Variants in NEK9 observed in about 807,000 individuals in gnomAD.
NEK9 encodes the protein NIMA related kinase 9.
A neutral mutation model predicts 123.4 loss-of-function variants in NEK9; 75 were observed. The observed-to-expected ratio is 0.61, with a 90% CI of 0.50 to 0.74. The LOEUF is 0.74. Among genes scored for constraint, NEK9 ranks in the 30% least tolerant of loss-of-function variants. The pLI is 0.00. For missense variants in NEK9, 952 were observed against 1,214.4 expected (o/e 0.78, Z 3.21); for synonymous variants, 438 against 458.7 (o/e 0.95, Z 0.58).
chr14:75,084,889 C>A, intron 21 of NEK9: 1 of 552,738 alleles, frequency 1.8e-6, no homozygotes, highest in Non-Finnish European at 3.1e-6. Flanking sequence ...GGGTGACCAA[C>A]TATCCAGGTT....
intron 13 of NEK9, 151 bp from the exon 14 acceptor site, chr14:75,104,148 G>A (rs1156295905): frequency 2.9e-6 from 2 of 697,496 alleles, no homozygotes; most frequent in African/African-American, 3.7e-5. Context: ...TTTGCCCAGT[G>A]TCTTAGAGAC....
chr14:75,117,394 CTTAA>C lies in NEK9; in HGVS notation c.631-72_631-69del, dbSNP rs1445375456. ...GGTAACTATGTTAACATTTCAACAG[CTTAA>C]TTAAATTTCCTAGGAACTAGTCATA... On this transcript the variant is annotated intron_variant, in intron 5 of 21. Transcript: ENST00000238616. The C allele has an allele frequency of 1.3e-5, 19 of 1,498,642 alleles. No homozygotes were observed. The African/African-American group carries it at 2.1e-4, about 17-fold the overall frequency. 92.8% of individuals were successfully genotyped at this position (1,498,642 alleles called of 1,614,324 possible).
intron 19 of NEK9, among the ~76,000 whole-genome samples, chr14:75,090,321 CATAA>C (rs1894174260): frequency 6.6e-6 from 1 of 150,598 alleles, no homozygotes; most frequent in South Asian, 2.1e-4. Context: ...TTTCACAAAC[CATAA>C]ATATTTACTG....
At position 75,126,998 on chromosome 14, in the gene NEK9, G is replaced by A. The variant is rs966808202; in HGVS notation, c.-77C>T. 4.0e-6 allele frequency: 5 copies of A among 1,236,046 alleles called. No homozygotes were observed. The highest frequency in any genetic ancestry group is 3.4e-5 in the South Asian group (2 of 58,802). The allele number at this position is 1,236,046 out of a possible 1,614,324, so 76.6% of individuals were successfully genotyped here. A position where few individuals can be genotyped will look rare whatever the true frequency, so the allele number is the denominator to read the frequency against. ...GCCGCGCTGCGTCCCGCTCGCTTCA[G>A]ATGCCGGCCCGCGGATCCGTCAGCC... On this transcript the variant is annotated 5_prime_UTR_variant, in exon 1 of 22. Coordinates refer to ENST00000238616, the MANE Select transcript of NEK9 (RefSeq NM_033116.6).
At chr14:75,120,993 G>A in intron 3 of NEK9, 126 bp downstream of exon 3, 2 of 793,530 alleles carry the variant, frequency 2.5e-6, no homozygotes, top group Non-Finnish European at 4.4e-6. Flanking sequence ...ATGAATATCA[G>A]AGCCTGGAAG....
At chr14:75,110,866 C>G (rs1894937800) in intron 8 of NEK9, among the ~76,000 whole-genome samples, 1 of 152,108 alleles carries the variant, frequency 6.6e-6, no homozygotes, top group Non-Finnish European at 1.5e-5. Context: ...CTCTCCCTTT[C>G]TTTAATATTC....
At chr14:75,105,586 G>A (rs1162059028) in intron 13 of NEK9, among the ~76,000 whole-genome samples, 1 of 152,194 alleles carries the variant, frequency 6.6e-6, no homozygotes, top group Non-Finnish European at 1.5e-5. Context: ...AAACAGGAGA[G>A]GAAAATGGCT....
At position 75,114,328 on chromosome 14, in the gene NEK9, T is replaced by C. The variant is rs933538786; in HGVS notation, c.763-15A>G. 6.3e-7 allele frequency: 1 copy of C among 1,576,648 alleles called. No homozygotes were observed. The highest frequency in any genetic ancestry group is 8.7e-7 in the Non-Finnish European group (1 of 1,146,078). On this transcript the variant is annotated splice_polypyrimidine_tract_variant and intron_variant, in intron 6 of 21. Transcript: ENST00000238616. ...TTAAGTGGGTTCTATGAGAAAATGA[T>C]GACTGCATTGTTCCTGGTTATATAA...
intron 13 of NEK9, among the ~76,000 whole-genome samples, chr14:75,105,517 T>C (rs1224745971): frequency 6.6e-6 from 1 of 152,224 alleles, no homozygotes; most frequent in African/African-American, 2.4e-5. Flanking sequence ...ATATGTTTCA[T>C]GCAACATGAC....
rs1893868278 is a variant in NEK9, at chr14:75,081,522, C to G, written c.*3042G>C. The G allele has an allele frequency of 6.6e-6, 1 of 152,188 alleles. No homozygotes were observed. Among genetic ancestry groups the G allele is most frequent in the Admixed American group, 6.5e-5 (1 of 15,284 alleles). The allele number at this position is 152,188 out of a possible 1,614,324, so 9.4% of individuals were successfully genotyped here. A position where few individuals can be genotyped will look rare whatever the true frequency, so the allele number is the denominator to read the frequency against. On this transcript the variant is annotated 3_prime_UTR_variant, in exon 22 of 22. Transcript: ENST00000238616. The surrounding 1 kb of genome is among the most constrained non-coding windows in gnomAD (Gnocchi z 4.2). The stretch of plus-strand genomic sequence containing the variant: ...TGATTATAGCCCACTCTGCCCTGAC[C>G]ATCATGAATACTTTTTTGGAGGTTT...
chr14:75,107,079 G>A (rs993909422), intron 11 of NEK9, among the ~76,000 whole-genome samples: 5 of 151,990 alleles, frequency 3.3e-5, no homozygotes, highest in African/African-American at 1.2e-4. Flanking sequence ...TGATGAGGTG[G>A]TAAGATTATT....
At chr14:75,095,857 T>G (rs1001097992) in intron 17 of NEK9, among the ~76,000 whole-genome samples, 3 of 152,128 alleles carry the variant, frequency 2.0e-5, no homozygotes, top group Non-Finnish European at 4.4e-5. Context: ...GCCACTGCAC[T>G]CTACTCTGGG....
At chr14:75,105,575 G>C (rs532877705) in intron 13 of NEK9, among the ~76,000 whole-genome samples, 1 of 152,366 alleles carries the variant, frequency 6.6e-6, no homozygotes, top group African/African-American at 2.4e-5. Context: ...GTCAACTGTA[G>C]AAACAGGAGA....
intron 1 of NEK9, among the ~76,000 whole-genome samples, chr14:75,126,495 T>C (rs1895530310): frequency 6.6e-6 from 1 of 152,216 alleles, no homozygotes; most frequent in African/African-American, 2.4e-5. Context: ...GTTAGGTGAC[T>C]TAGGACAATC....
chr14:75,115,032 T>C (rs1054451235), intron 6 of NEK9, among the ~76,000 whole-genome samples: 7 of 151,866 alleles, frequency 4.6e-5, no homozygotes, highest in African/African-American at 1.7e-4. Flanking sequence ...TGTGTATATA[T>C]GTATATGTGC....
At chr14:75,090,497 C>T (rs1894180306) in intron 19 of NEK9, among the ~76,000 whole-genome samples, 1 of 151,944 alleles carries the variant, frequency 6.6e-6, no homozygotes, top group Non-Finnish European at 1.5e-5. Flanking sequence ...ACAGATATAT[C>T]ATCCTCTTCT....
intron 17 of NEK9, chr14:75,096,632 C>G (rs988497239): frequency 6.6e-6 from 1 of 152,170 alleles, no homozygotes; most frequent in East Asian, 1.9e-4. Flanking sequence ...GCCTGGCCAA[C>G]GTGGTGGAAC....
intron 8 of NEK9, among the ~76,000 whole-genome samples, chr14:75,110,776 T>C (rs1894935551): frequency 6.6e-6 from 1 of 152,030 alleles, no homozygotes; most frequent in African/African-American, 2.4e-5. Flanking sequence ...GACTCCTCTA[T>C]TTCTGTAACT....
chr14:75,106,511 C>T lies in NEK9; in HGVS notation c.1519G>A (p.Gly507Ser). The change falls in exon 12 of 22, where the codon GGC becomes AGC. Residue 507 changes from glycine to serine, a missense_variant. Coordinates refer to ENST00000238616, the MANE Select transcript of NEK9 (RefSeq NM_033116.6). ...RNKEVYSWGC[G>S]EYGRLGLDSE... Reference sequence around the variant, plus strand: ...ACAAGGCTACCCCTACCATATTCGCCACAGCCCCAAGAATAGACTTCCTTG... The same window carrying T: ...ACAAGGCTACCCCTACCATATTCGCTACAGCCCCAAGAATAGACTTCCTTG... 1.9e-6 allele frequency: 3 copies of T among 1,614,000 alleles called. No homozygotes were observed. Among genetic ancestry groups the T allele is most frequent in the Non-Finnish European group, 2.5e-6 (3 of 1,180,000 alleles).
Sources: allele counts gnomAD v4.1 joint callset (sites outside exome capture counted in the v4.1 genomes callset), GRCh38; gene constraint gnomAD v4.1.1; non-coding constraint Gnocchi (gnomAD v3.1); transcripts MANE v1.5; gene names NCBI Gene and HGNC (gene_info 2026-07-23, HGNC 2026-07-21).